The following TTLL5 variants were observed in gnomAD, a reference collection of about 807,000 sequenced individuals.
The protein encoded by TTLL5 is tubulin polyglutamylase TTLL5.
A neutral mutation model predicts 168.4 loss-of-function variants in TTLL5; 132 were observed. The observed-to-expected ratio is 0.78, with a 90% CI of 0.68 to 0.91. TTLL5 has a LOEUF of 0.91. Ranked by LOEUF, TTLL5 falls within the 40% of genes least tolerant of loss-of-function variation. The pLI is 0.00. For missense variants in TTLL5, 1,545 were observed against 1,581.5 expected, an observed-to-expected ratio of 0.98 and a Z score of 0.39; for synonymous variants, 546 against 558.6, an observed-to-expected ratio of 0.98 and a Z score of 0.32.
At chr14:75,759,518 G>C (rs1184776530) in intron 18 of TTLL5, among the ~76,000 whole-genome samples, 1 of 152,094 alleles carries the variant, frequency 6.6e-6, no homozygotes, top group Non-Finnish European at 1.5e-5. Flanking sequence ...ACACTTCCCA[G>C]TTCATCTTAC....
intron 26 of TTLL5, among the ~76,000 whole-genome samples, chr14:75,788,024 A>C (rs908438214): frequency 3.3e-5 from 5 of 152,160 alleles, no homozygotes; most frequent in Non-Finnish European, 5.9e-5. Context: ...GTTGGTGTGC[A>C]CCTGTAGTCC....
At chr14:75,772,519 A>G (rs1891400631) in intron 21 of TTLL5, among the ~76,000 whole-genome samples, 1 of 152,204 alleles carries the variant, frequency 6.6e-6, no homozygotes, top group Non-Finnish European at 1.5e-5. Flanking sequence ...TCAAACTTGT[A>G]TAATCATTTT....
At chr14:75,888,282 C>G (rs2032217068) in intron 30 of TTLL5, among the ~76,000 whole-genome samples, 1 of 152,128 alleles carries the variant, frequency 6.6e-6, no homozygotes, top group African/African-American at 2.4e-5. Context: ...GGGAGGAAAG[C>G]TACATGAGAG....
At chr14:75,867,433 A>C (rs1241521568) in intron 29 of TTLL5, among the ~76,000 whole-genome samples, 1 of 152,182 alleles carries the variant, frequency 6.6e-6, no homozygotes, top group Non-Finnish European at 1.5e-5. Context: ...TCCAAGCACT[A>C]TTCAGGGTTC....
At chr14:75,825,106 G>T (rs1483034769) in intron 28 of TTLL5, among the ~76,000 whole-genome samples, 1 of 152,094 alleles carries the variant, frequency 6.6e-6, no homozygotes, top group Non-Finnish European at 1.5e-5. Flanking sequence ...TTAAGTTGTT[G>T]TAAGATTAAA....
chr14:75,886,220 A>G (rs1000247732), intron 30 of TTLL5, among the ~76,000 whole-genome samples: 3 of 152,222 alleles, frequency 2.0e-5, no homozygotes, highest in Non-Finnish European at 2.9e-5. Flanking sequence ...CAAAGTTTCC[A>G]CATCCTAGAG....
intron 31 of TTLL5, among the ~76,000 whole-genome samples, chr14:75,932,901 A>G (rs983124262): frequency 2.5e-4 from 38 of 152,162 alleles, no homozygotes; most frequent in African/African-American, 8.9e-4. Flanking sequence ...ATTACTATCA[A>G]GTGACACCTA....
chr14:75,799,039 C>T (rs1352815253), intron 27 of TTLL5, among the ~76,000 whole-genome samples: 2 of 152,082 alleles, frequency 1.3e-5, no homozygotes, highest in African/African-American at 4.8e-5. Flanking sequence ...GTGTTGATGA[C>T]CTGCCTAGTG....
intron 6 of TTLL5, among the ~76,000 whole-genome samples, chr14:75,690,888 G>C (rs1885408490): frequency 6.6e-6 from 1 of 152,176 alleles, no homozygotes; most frequent in African/African-American, 2.4e-5. Flanking sequence ...GCAAAATTCT[G>C]AGATGACAGG....
chr14:75,914,858 C>T (rs1309283535), intron 31 of TTLL5, among the ~76,000 whole-genome samples: 4 of 152,108 alleles, frequency 2.6e-5, no homozygotes, highest in African/African-American at 7.2e-5. Context: ...CTCCTGACCT[C>T]GTGATCCGCC....
chr14:75,711,267 C>CT (rs1887057322), intron 9 of TTLL5: 1 of 152,158 alleles, frequency 6.6e-6, no homozygotes, highest in East Asian at 1.9e-4. Flanking sequence ...CAGAGGTCCC[C>CT]TGTGCTTTTG....
chr14:75,671,447 G>A (rs1883745166), intron 3 of TTLL5, among the ~76,000 whole-genome samples: 1 of 152,168 alleles, frequency 6.6e-6, no homozygotes, highest in Admixed American at 6.5e-5. Context: ...CTGTTGGGAT[G>A]TTGATAGGGA....
In TTLL5 at chr14:75,732,082, A is replaced by G. The variant is rs1316197231; in HGVS notation, c.1043-256A>G. The G allele has an allele frequency of 1.1e-5, 3 of 269,156 alleles. No homozygotes were observed. In the East Asian group the frequency reaches 2.3e-4, roughly 21 times the overall value. 16.7% of individuals were successfully genotyped at this position (269,156 alleles called of 1,614,324 possible). A position where few individuals can be genotyped will look rare whatever the true frequency, so the allele number is the denominator to read the frequency against. ...TCTAGAGTCAGGTCGCTTTCTATGT[A>G]GGATTTAGGAACATCAATAGACACT... On this transcript the variant is annotated intron_variant, in intron 12 of 31. Transcript: ENST00000298832.
At chr14:75,701,458 G>A (rs536978623) in intron 7 of TTLL5, among the ~76,000 whole-genome samples, 1 of 152,316 alleles carries the variant, frequency 6.6e-6, no homozygotes, top group South Asian at 2.1e-4. Context: ...CCTGGAAGAG[G>A]CTGACTGTGA....
chr14:75,853,313 C>G (rs1896970365), intron 28 of TTLL5, among the ~76,000 whole-genome samples: 1 of 152,218 alleles, frequency 6.6e-6, no homozygotes. Context: ...CCCCTTGATT[C>G]TGCCTAACAT....
intron 31 of TTLL5, among the ~76,000 whole-genome samples, 159 bp from the exon 32 acceptor site, chr14:75,954,265 A>G: frequency 6.6e-6 from 1 of 151,600 alleles, no homozygotes; most frequent in Non-Finnish European, 1.5e-5. Context: ...AAAAAAAAAA[A>G]AAAAAAAAAA....
At chr14:75,690,388 G>T in intron 6 of TTLL5, 66 bp downstream of exon 6, 2 of 1,527,214 alleles carry the variant, frequency 1.3e-6, no homozygotes, top group Non-Finnish European at 1.8e-6. Context: ...TACCCCAAAA[G>T]CCTCCTCAAG....
At chr14:75,739,915 G>A (rs187317667) in intron 15 of TTLL5, among the ~76,000 whole-genome samples, 1 of 152,112 alleles carries the variant, frequency 6.6e-6, no homozygotes. Flanking sequence ...TCACCTGTTT[G>A]TAGTCATGTT....
At chr14:75,766,415 T>C in intron 20 of TTLL5, 47 bp downstream of exon 20, 1 of 1,493,458 alleles carries the variant, frequency 6.7e-7, no homozygotes. Flanking sequence ...AACAGCTAAC[T>C]TGTACTGTGT....
Sources: gnomAD v4.1 joint callset for allele counts (sites outside exome capture counted in the v4.1 genomes callset) on GRCh38, gnomAD v4.1.1 for gene constraint, MANE v1.5 for transcripts, NCBI Gene and HGNC (gene_info 2026-07-23, HGNC 2026-07-21) for gene names.